Variants in CDIN1 observed in about 807,000 individuals in gnomAD.
CDIN1 encodes CDAN1 interacting nuclease 1, also known as CDAN1-interacting nuclease 1.
A neutral mutation model predicts 45.3 loss-of-function variants in CDIN1; 33 were observed. That is an observed-to-expected ratio of 0.73 (90% CI 0.55 to 0.97). The LOEUF (loss-of-function observed/expected upper bound fraction) is 0.97. CDIN1 is among the 50% of genes least tolerant of loss of function. The pLI is 0.00. For synonymous variants in CDIN1, 118 were observed against 124.4 expected, an observed-to-expected ratio of 0.95 and a Z score of 0.34; for missense variants, 303 against 339.4, an observed-to-expected ratio of 0.89 and a Z score of 0.84.
chr15:36,743,439 C>T (rs56212065), intron 10 of CDIN1, among the ~76,000 whole-genome samples: 6,864 of 152,268 alleles, frequency 0.045, 223 homozygotes, highest in Middle Eastern at 0.068. Flanking sequence ...CAAGTCCCAA[C>T]AGTGCAGTGC....
intron 5 of CDIN1, among the ~76,000 whole-genome samples, chr15:36,669,481 C>T (rs1303166286): frequency 6.6e-6 from 1 of 152,042 alleles, no homozygotes; most frequent in Admixed American, 6.6e-5. Flanking sequence ...AAAGATAGTA[C>T]AGAGAGTTCT....
chr15:36,670,989 G>T (rs540717455), intron 5 of CDIN1, among the ~76,000 whole-genome samples: 1 of 152,206 alleles, frequency 6.6e-6, no homozygotes, highest in Non-Finnish European at 1.5e-5. Context: ...TAACTTGAGC[G>T]AAAACTTATT....
intron 10 of CDIN1, among the ~76,000 whole-genome samples, chr15:36,748,305 A>G (rs1432054740): frequency 6.6e-6 from 1 of 152,218 alleles, no homozygotes; most frequent in Admixed American, 6.5e-5. Context: ...TAGATACGGG[A>G]TGAGATGTTT....
At chr15:36,748,312 G>A (rs575239090) in intron 10 of CDIN1, among the ~76,000 whole-genome samples, 72 of 152,354 alleles carry the variant, frequency 4.7e-4, no homozygotes, top group Admixed American at 4.7e-3. Context: ...GGGATGAGAT[G>A]TTTTGCAGTC....
At chr15:36,613,718 G>A in intron 1 of CDIN1, 1 of 1,549,746 alleles carries the variant, frequency 6.5e-7, no homozygotes, top group Middle Eastern at 1.7e-4. Flanking sequence ...AGCGGAAAAA[G>A]CTGCTGATGA....
chr15:36,689,731 A>G (rs1391958416), intron 5 of CDIN1, among the ~76,000 whole-genome samples: 2 of 152,106 alleles, frequency 1.3e-5, no homozygotes, highest in Admixed American at 6.5e-5. Context: ...TAAGAAGATG[A>G]TTCATTGTTT....
At chr15:36,684,722 G>A (rs1357154635) in intron 5 of CDIN1, among the ~76,000 whole-genome samples, 1 of 152,076 alleles carries the variant, frequency 6.6e-6, no homozygotes, top group African/African-American at 2.4e-5. Context: ...ACTGTTTTTG[G>A]TTGGTAAGCT....
intron 5 of CDIN1, among the ~76,000 whole-genome samples, chr15:36,663,737 C>T (rs149016554): frequency 6.0e-4 from 92 of 152,114 alleles, no homozygotes; most frequent in African/African-American, 1.9e-3. Context: ...GGAATAAAAC[C>T]GAAGGAGAGT....
chr15:36,701,912 T>C (rs2042659884), intron 8 of CDIN1: 3 of 593,122 alleles, frequency 5.1e-6, no homozygotes, highest in Non-Finnish European at 3.0e-6. Context: ...AGGATCTTTG[T>C]TTCTAAGAGT....
intron 10 of CDIN1, among the ~76,000 whole-genome samples, chr15:36,772,896 T>C (rs972558847): frequency 1.3e-5 from 2 of 152,194 alleles, no homozygotes; most frequent in Admixed American, 1.3e-4. Flanking sequence ...AAAACCTGTA[T>C]AACGCAAATA....
rs1436198615 is a variant in CDIN1 at position 36,796,988 on chromosome 15, C to T, written c.717-11336C>T. Among the ~76,000 whole-genome samples, 15 of 152,240 alleles carry T rather than the reference C, an allele frequency of 9.9e-5. No homozygotes were observed. The East Asian group carries it at 1.2e-3, about 12-fold the overall frequency. On this transcript the variant is annotated intron_variant, in intron 10 of 10. Coordinates refer to ENST00000566621, the MANE Select transcript of CDIN1 (RefSeq NM_001321759.2). Reference sequence around the variant, plus strand: ...ATAAATACATTAAAAGCCGCACAACCGACATACAGAAACTGTAAGATTCTC... The same window carrying T: ...ATAAATACATTAAAAGCCGCACAACTGACATACAGAAACTGTAAGATTCTC...
At chr15:36,707,899 C>G (rs1345747709) in intron 8 of CDIN1, 2 of 152,084 alleles carry the variant, frequency 1.3e-5, no homozygotes, top group Non-Finnish European at 2.9e-5. Flanking sequence ...ATCTGTATTT[C>G]TTTATCTCAA....
intron 5 of CDIN1, among the ~76,000 whole-genome samples, chr15:36,670,933 G>T (rs2041428009): frequency 6.6e-6 from 1 of 152,040 alleles, no homozygotes; most frequent in African/African-American, 2.4e-5. Flanking sequence ...AGAGAGAAAA[G>T]AGTATATTGT....
chr15:36,674,286 CG>C (rs541304198), intron 5 of CDIN1, among the ~76,000 whole-genome samples: 1 of 152,040 alleles, frequency 6.6e-6, no homozygotes, highest in African/African-American at 2.4e-5. Flanking sequence ...TTTATTAGCG[CG>C]GGGGTCTCCA....
intron 5 of CDIN1, among the ~76,000 whole-genome samples, chr15:36,690,281 T>C (rs1302755775): frequency 6.6e-6 from 1 of 152,142 alleles, no homozygotes; most frequent in Non-Finnish European, 1.5e-5. Context: ...TTTTCTTTTT[T>C]TTTTTGAGAC....
chr15:36,660,690 C>A (rs2040977700), intron 5 of CDIN1, among the ~76,000 whole-genome samples: 1 of 151,974 alleles, frequency 6.6e-6, no homozygotes, highest in African/African-American at 2.4e-5. Context: ...TTGTTATTGC[C>A]CCTGATTAAA....
At chr15:36,788,442 A>G (rs1010277167) in intron 10 of CDIN1, among the ~76,000 whole-genome samples, 34 of 152,134 alleles carry the variant, frequency 2.2e-4, no homozygotes, top group African/African-American at 8.2e-4. Flanking sequence ...TAATGTTTTA[A>G]TTTTTTTGAA....
chr15:36,606,186 T>A (rs1034164647), intron 1 of CDIN1, among the ~76,000 whole-genome samples: 15 of 152,100 alleles, frequency 9.9e-5, no homozygotes, highest in African/African-American at 3.6e-4. Context: ...ATTTTATATA[T>A]AAATATATAC....
At chr15:36,703,326 ATCAGATAGATC>A (rs2042723959) in intron 8 of CDIN1, among the ~76,000 whole-genome samples, 3 of 129,082 alleles carry the variant, frequency 2.3e-5, no homozygotes, top group Admixed American at 7.8e-5. Flanking sequence ...ATATACATAT[ATCAGATAGATC>A]TATCAGATAT....
Sources: allele counts gnomAD v4.1 joint callset (sites outside exome capture counted in the v4.1 genomes callset), GRCh38; gene constraint gnomAD v4.1.1; transcripts MANE v1.5; gene names NCBI Gene and HGNC (gene_info 2026-07-23, HGNC 2026-07-21).